HEATR6: variants seen among roughly 807,000 people sequenced by gnomAD.
The protein encoded by HEATR6 is HEAT repeat containing 6, also known as HEAT repeat-containing protein 6.
A neutral mutation model predicts 132.8 loss-of-function variants in HEATR6; 106 were observed. The ratio of observed to expected loss-of-function variants is 0.80; its 90% CI spans 0.68 to 0.94. The LOEUF (loss-of-function observed/expected upper bound fraction) is 0.94. Ranked by LOEUF, HEATR6 falls within the 40% of genes least tolerant of loss-of-function variation. The pLI is 0.00. For synonymous variants in HEATR6, 529 were observed against 537.8 expected (o/e 0.98, Z 0.23); for missense variants, 1,339 against 1,425.1 (o/e 0.94, Z 0.97).
chr17:60,055,704 CCACTCGAGTAACACCTT>C, intron 13 of HEATR6, 103 bp from the exon 14 acceptor site: 4 of 676,118 alleles, frequency 5.9e-6, no homozygotes, highest in South Asian at 2.1e-5. Context: ...AGTAACACCT[CCACTCGAGTAACACCTT>C]CACTCGAGTG....
intron 16 of HEATR6, among the ~76,000 whole-genome samples, chr17:60,048,985 TA>T (rs1568608375): frequency 1.9e-4 from 7 of 36,756 alleles, no homozygotes; most frequent in East Asian, 1.4e-3. Flanking sequence ...ATATATATAA[TA>T]TATATATATA....
At chr17:60,056,739 C>A (rs1425390306) in intron 12 of HEATR6, among the ~76,000 whole-genome samples, 5 of 151,766 alleles carry the variant, frequency 3.3e-5, no homozygotes, top group Admixed American at 6.6e-5. Flanking sequence ...TTGCAAAAAT[C>A]AAAAATTAAC....
rs200810311 is a variant in HEATR6, at chr17:60,043,536, C to A, written c.*27G>T. ...GCTCAGGTCTTCCTACTGCCGCCTT[C>A]GACATCTAGAAAGTATGGTGGGATC... On this transcript the variant is annotated 3_prime_UTR_variant, in exon 20 of 20. Coordinates refer to ENST00000184956, the MANE Select transcript of HEATR6 (RefSeq NM_022070.5). 1.3e-6 allele frequency: 2 copies of A among 1,569,528 alleles called. No individual in the cohort carries two copies. Among genetic ancestry groups the A allele is most frequent in the South Asian group, 1.2e-5 (1 of 86,592 alleles).
intron 18 of HEATR6, among the ~76,000 whole-genome samples, chr17:60,046,725 A>C (rs1373071429): frequency 6.6e-6 from 1 of 152,194 alleles, no homozygotes; most frequent in Non-Finnish European, 1.5e-5. Context: ...CTGGGTGATT[A>C]CCAGATTTTC....
chr17:60,056,338 G>T, intron 12 of HEATR6, 101 bp from the exon 13 acceptor site: 1 of 1,098,762 alleles, frequency 9.1e-7, no homozygotes. Flanking sequence ...CATTTAACAG[G>T]GGCTGAAATC....
intron 18 of HEATR6, 32 bp downstream of exon 18, chr17:60,047,277 T>C: frequency 1.4e-6 from 2 of 1,385,818 alleles, no homozygotes; most frequent in African/African-American, 1.4e-5. Flanking sequence ...AACTATCTGT[T>C]TGGGAGATAC....
chr17:60,059,454 C>T lies in HEATR6; in HGVS notation c.1691G>A (p.Trp564Ter). The T allele has an allele frequency of 1.9e-6, 3 of 1,613,586 alleles. No individual in the cohort carries two copies. The highest frequency in any genetic ancestry group is 1.7e-4 in the Middle Eastern group (1 of 6,060). ...RLKLSLLTKV[W>*]NQIKPYIRHK... ...GCGAATATAAGGCTTTATCTGGTTC[C>T]AGACTTTGGTCAGCAGGCTGAGTTT... Residue 564 changes from tryptophan (W) to a stop codon, truncating the protein, a stop_gained, in exon 11 of 20, where the codon TGG becomes TAG. Coordinates refer to ENST00000184956, the MANE Select transcript of HEATR6 (RefSeq NM_022070.5). LOFTEE classifies it high-confidence loss of function.
At chr17:60,068,042 T>G (rs1350167984) in intron 7 of HEATR6, among the ~76,000 whole-genome samples, 1 of 152,230 alleles carries the variant, frequency 6.6e-6, no homozygotes, top group Non-Finnish European at 1.5e-5. Context: ...AGCTTGACCT[T>G]GCTTATCTGT....
chr17:60,071,308 C>T (rs900825629), intron 5 of HEATR6, among the ~76,000 whole-genome samples: 25 of 152,166 alleles, frequency 1.6e-4, no homozygotes, highest in African/African-American at 5.8e-4. Context: ...CCTTAAGAAA[C>T]ACTTCCGACA....
At chr17:60,067,052 CGAGGTCAG>C (rs1296280634) in intron 8 of HEATR6, among the ~76,000 whole-genome samples, 3 of 152,006 alleles carry the variant, frequency 2.0e-5, no homozygotes, top group African/African-American at 7.3e-5. Flanking sequence ...GGGCGGATCA[CGAGGTCAG>C]GAGATCGAGA....
At position 60,041,901 on chromosome 17, in the gene HEATR6, A is replaced by G. The variant is rs1259470497; in HGVS notation, c.*1662T>C. Among the ~76,000 whole-genome samples the G allele has an allele frequency of 2.6e-5, 4 of 152,228 alleles. No homozygotes were observed. The highest frequency in any genetic ancestry group is 4.8e-5 in the African/African-American group (2 of 41,462). ...ACTTCTTAATTGTCCCACATCAAAGATAAGTATGGACAACTGTAATTGGTT... is the reference window on the plus strand; with the variant it reads ...ACTTCTTAATTGTCCCACATCAAAGGTAAGTATGGACAACTGTAATTGGTT... On this transcript the variant is annotated 3_prime_UTR_variant, in exon 20 of 20. Coordinates refer to ENST00000184956, the MANE Select transcript of HEATR6 (RefSeq NM_022070.5).
Position 60,078,721 on chromosome 17 carries a change from C to T in HEATR6, c.194G>A (p.Ser65Asn). Residue 65 changes from serine to asparagine, a missense_variant, in exon 1 of 20, where the codon AGC becomes AAC. By Grantham distance (46) the Ser-to-Asn change is conservative (BLOSUM62 1). Coordinates refer to ENST00000184956, the MANE Select transcript of HEATR6 (RefSeq NM_022070.5). ...LFDQLISENY[S>N]EGSGVAPEDV... ...CTCCGGGGCCACGCCACTGCCCTCG[C>T]TGTAGTTCTCGGAGATGAGCTGATC... is the stretch of plus-strand genomic sequence containing the variant. The T allele has an allele frequency of 6.5e-7, 1 of 1,549,382 alleles. No individual in the cohort carries two copies. Among genetic ancestry groups the T allele is most frequent in the Non-Finnish European group, 8.7e-7 (1 of 1,148,166 alleles).
rs143612411 is a variant in HEATR6, at chr17:60,057,076, G to T, written c.2051C>A (p.Pro684Gln). The T allele has an allele frequency of 6.2e-7, 1 of 1,605,480 alleles. No homozygotes were observed. The highest frequency in any genetic ancestry group is 8.5e-7 in the Non-Finnish European group (1 of 1,174,572). ...AGSAAGSTYE[P>Q]SPMRLEALQV... ...TAAGGCCTCCAGTCGCATGGGGGAT[G>T]GTTCGTAGGTGCTTCCTGCTGCAGA... The change falls in exon 12 of 20, where the codon CCA becomes CAA. Residue 684 changes from proline (P) to glutamine (Q), a missense_variant. Physicochemically the swap from Pro to Gln is moderately conservative, Grantham distance 76 (BLOSUM62 -1). Transcript: ENST00000184956.
At chr17:60,059,610 T>C in intron 10 of HEATR6, 89 bp from the exon 11 acceptor site, 1 of 875,700 alleles carries the variant, frequency 1.1e-6, no homozygotes. Flanking sequence ...AAAAGAAAAG[T>C]TTTCACACAA....
In HEATR6 at chr17:60,045,926, C is replaced by T; in HGVS notation, c.2974+99G>A. ...AGTATGTCTCCATTTTTTCCTAATA[C>T]TATGACAAATAACATGTGACAAACA... is the stretch of plus-strand genomic sequence containing the variant. On this transcript the variant is annotated intron_variant, in intron 19 of 19. Transcript: ENST00000184956. 4.3e-6 allele frequency: 4 copies of T among 922,976 alleles called. No homozygotes were observed. In the Admixed American group the frequency reaches 6.6e-5, roughly 15 times the overall value. The allele number at this position is 922,976 out of a possible 1,614,324, so 57.2% of individuals were successfully genotyped here.
rs189303340 is a variant in HEATR6 at position 60,059,396 on chromosome 17, G to A, written c.1723+26C>T. ...GTCTGCATCTGACTGATACAAAGAA[G>A]CCATCAGTTTTAAGCCACTACAAAC... On this transcript the variant is annotated intron_variant, in intron 11 of 19. Coordinates refer to ENST00000184956, the MANE Select transcript of HEATR6 (RefSeq NM_022070.5). 4.3e-5 allele frequency: 57 copies of A among 1,323,370 alleles called. 1 individual carries two copies. In the Admixed American group the frequency reaches 8.6e-4, roughly 20 times the overall value. The allele number at this position is 1,323,370 out of a possible 1,614,324, so 82.0% of individuals were successfully genotyped here.
At chr17:60,070,647 G>T (rs942471607) in intron 6 of HEATR6, 59 bp downstream of exon 6, 7 of 929,692 alleles carry the variant, frequency 7.5e-6, no homozygotes, top group Admixed American at 3.6e-5. Flanking sequence ...GATGTAAAGT[G>T]GTCCTTGTAC....
At chr17:60,073,320 C>T in intron 3 of HEATR6, 41 bp from the exon 4 acceptor site, 1 of 1,159,592 alleles carries the variant, frequency 8.6e-7, no homozygotes, top group Non-Finnish European at 1.3e-6. Context: ...AGAAAAGCTT[C>T]TAGGAAAATA....
At position 60,048,383 on chromosome 17, in the gene HEATR6, G is replaced by T; in HGVS notation, c.2553C>A (p.Val851=). ...CATTTGCTGCGTCTGCAACAAATAT[G>T]ACATCCTGTAACACAAAACAAAACA... ...YVLFPCLRQD[V]IFVADAANAI... The change falls in exon 17 of 20, where the codon GTC becomes GTA. Residue 851 remains valine, a synonymous_variant. Coordinates refer to ENST00000184956, the MANE Select transcript of HEATR6 (RefSeq NM_022070.5). 3 of 1,611,446 alleles carry T rather than the reference G, an allele frequency of 1.9e-6. No individual in the cohort carries two copies. The highest frequency in any genetic ancestry group is 2.2e-5 in the South Asian group (2 of 90,820).
Sources: gnomAD v4.1 joint callset for allele counts (sites outside exome capture counted in the v4.1 genomes callset) on GRCh38, gnomAD v4.1.1 for gene constraint, MANE v1.5 for transcripts, NCBI Gene and HGNC (gene_info 2026-07-23, HGNC 2026-07-21) for gene names.